Variants in MYOF observed in about 807,000 individuals in gnomAD.
MYOF encodes the protein fer-1-like 3, myoferlin.
MYOF carries 244 observed loss-of-function variants against 284.2 expected under a neutral mutation model. The observed-to-expected ratio is 0.86, with a 90% CI of 0.77 to 0.95. MYOF has a LOEUF of 0.95. MYOF is among the 40% of genes least tolerant of loss of function. MYOF has a pLI of 0.00. For missense variants in MYOF, 2,496 were observed against 2,560.6 expected (o/e 0.97, Z 0.54); for synonymous variants, 904 against 919.7 (o/e 0.98, Z 0.31).
At chr10:93,426,941 G>A (rs1181295558) in intron 4 of MYOF, among the ~76,000 whole-genome samples, 1 of 144,356 alleles carries the variant, frequency 6.9e-6, no homozygotes, top group Non-Finnish European at 1.5e-5. Context: ...AGGCTGGAGT[G>A]CAGGGCGCAA....
At chr10:93,315,966 GA>G (rs34283358) in intron 50 of MYOF, among the ~76,000 whole-genome samples, 44,669 of 141,402 alleles carry the variant, frequency 0.32, 8,572 homozygotes, top group Non-Finnish European at 0.46. Flanking sequence ...ACTAAAAAGT[GA>G]AAAAAAAAAA....
At chr10:93,408,537 C>CAA (rs530847314) in intron 7 of MYOF, among the ~76,000 whole-genome samples, 2 of 130,162 alleles carry the variant, frequency 1.5e-5, no homozygotes, top group Admixed American at 7.8e-5. Flanking sequence ...AATTCCATCT[C>CAA]AAAAAAAAAA....
chr10:93,441,532 C>T (rs1040764676), intron 3 of MYOF, among the ~76,000 whole-genome samples: 3 of 151,282 alleles, frequency 2.0e-5, no homozygotes, highest in African/African-American at 7.3e-5. Flanking sequence ...TTACAGGTGC[C>T]CGCCACCATG....
intron 35 of MYOF, 45 bp downstream of exon 35, chr10:93,351,152 T>C: frequency 6.4e-7 from 1 of 1,573,078 alleles, no homozygotes; most frequent in Non-Finnish European, 8.7e-7. Flanking sequence ...TGTCCTGCAG[T>C]CACATCCGTT....
chr10:93,377,235 A>G, intron 22 of MYOF, 88 bp downstream of exon 22: 2 of 978,664 alleles, frequency 2.0e-6, no homozygotes, highest in Non-Finnish European at 3.2e-6. Context: ...GACAAACACT[A>G]GAAACAATTC....
chr10:93,436,461 A>G (rs946440295), intron 3 of MYOF, among the ~76,000 whole-genome samples: 9 of 147,396 alleles, frequency 6.1e-5, no homozygotes, highest in Non-Finnish European at 1.4e-4. Context: ...GGACACATAA[A>G]AGAAAACTGG....
chr10:93,348,040 A>G (rs1436669895), intron 36 of MYOF, among the ~76,000 whole-genome samples: 1 of 152,214 alleles, frequency 6.6e-6, no homozygotes, highest in East Asian at 1.9e-4. Flanking sequence ...TTTCATGAGT[A>G]ATAGTAACAT....
At chr10:93,316,018 G>A (rs787676) in intron 50 of MYOF, among the ~76,000 whole-genome samples, 78,675 of 151,608 alleles carry the variant, frequency 0.52, 21,354 homozygotes, top group East Asian at 0.9. Context: ...CCAGCTACTC[G>A]GGAGGCTGAG....
At chr10:93,414,234 G>A (rs1358848101) in intron 5 of MYOF, among the ~76,000 whole-genome samples, 4 of 151,710 alleles carry the variant, frequency 2.6e-5, no homozygotes, top group East Asian at 1.9e-4. Flanking sequence ...GTGTCCTCCC[G>A]TCTTCTCATA....
chr10:93,474,454 C>A (rs1488191045), intron 1 of MYOF, among the ~76,000 whole-genome samples: 11 of 152,270 alleles, frequency 7.2e-5, no homozygotes, highest in Admixed American at 5.9e-4. Flanking sequence ...TCTCCACAAG[C>A]TTTTTCACTC....
chr10:93,409,848 C>CTTTTTT, intron 5 of MYOF, 109 bp from the exon 6 acceptor site: 1 of 1,372,704 alleles, frequency 7.3e-7, no homozygotes, highest in Admixed American at 2.2e-5. Flanking sequence ...TTAAGTGTTC[C>CTTTTTT]TAAAGTGGCA....
intron 24 of MYOF, 28 bp downstream of exon 24, chr10:93,372,902 T>C (rs1845655105): frequency 3.7e-6 from 6 of 1,613,360 alleles, no homozygotes; most frequent in Non-Finnish European, 5.1e-6. Context: ...ATTTAGTGTG[T>C]TTCACATGAC....
chr10:93,343,736 T>C, intron 38 of MYOF, 120 bp downstream of exon 38: 2 of 1,006,314 alleles, frequency 2.0e-6, no homozygotes, highest in East Asian at 2.4e-5. Context: ...CCTCAATAAA[T>C]GGATTGGCTG....
chr10:93,342,709 T>C lies in MYOF; in HGVS notation c.4326+1147A>G, dbSNP rs141209492. ...TACTGAGTACACTGAAGGCATGTAATAAGAATTGACTGACGATGAGAGATG... is the reference window on the plus strand; with the variant it reads ...TACTGAGTACACTGAAGGCATGTAACAAGAATTGACTGACGATGAGAGATG... On this transcript the variant is annotated intron_variant, in intron 38 of 53. Transcript: ENST00000359263. 1.8e-3 allele frequency among the ~76,000 whole-genome samples: 275 copies of C among 152,334 alleles called. 2 individuals are homozygous for C. Among genetic ancestry groups the C allele is most frequent in the African/African-American group, 6.5e-3 (271 of 41,578 alleles).
rs554632471 is a variant in MYOF, at chr10:93,331,173, G to A, written c.4812-1339C>T. On this transcript the variant is annotated intron_variant, in intron 43 of 53. Coordinates refer to ENST00000359263, the MANE Select transcript of MYOF (RefSeq NM_013451.4). ...CTTTTGAAGGTGATCTGCCATGATG[G>A]ATAGGACTCTGAGTAACGGCCACGC... Among the ~76,000 whole-genome samples, 8 of 152,262 alleles carry A rather than the reference G, an allele frequency of 5.3e-5. No homozygotes were observed. In the South Asian group the frequency reaches 1.0e-3, roughly 20 times the overall value.
intron 1 of MYOF, among the ~76,000 whole-genome samples, chr10:93,457,908 TG>T (rs928073143): frequency 6.0e-5 from 8 of 133,068 alleles, no homozygotes; most frequent in African/African-American, 8.2e-5. Context: ...AATTTTTCTA[TG>T]TTTTTTTTTT....
chr10:93,310,482 G>C, intron 52 of MYOF, 52 bp downstream of exon 52: 1 of 1,552,502 alleles, frequency 6.4e-7, no homozygotes, highest in Non-Finnish European at 8.9e-7. Flanking sequence ...GGGAAGGGGG[G>C]CTCTCAGCCT....
At chr10:93,342,027 T>A in intron 38 of MYOF, 1 of 1,196,118 alleles carries the variant, frequency 8.4e-7, no homozygotes, top group South Asian at 1.3e-5. Flanking sequence ...GTTATCTGGC[T>A]AGCACTTGAC....
chr10:93,340,065 G>C (rs2761330), intron 39 of MYOF, 88 bp downstream of exon 39: 538,903 of 1,426,206 alleles, frequency 0.38, 108,669 homozygotes, highest in Non-Finnish European at 0.42. Context: ...GGGTGAAAGA[G>C]CGAGACTCCT....
Sources: gnomAD v4.1 joint callset for allele counts (sites outside exome capture counted in the v4.1 genomes callset) on GRCh38, gnomAD v4.1.1 for gene constraint, MANE v1.5 for transcripts, NCBI Gene and HGNC (gene_info 2026-07-23, HGNC 2026-07-21) for gene names.